Variants in SGK1 observed in about 807,000 individuals in gnomAD.
SGK1 encodes the protein serine/threonine-protein kinase Sgk1.
A neutral mutation model predicts 64.2 loss-of-function variants in SGK1; 26 were observed. That is an observed-to-expected ratio of 0.40 (90% confidence interval 0.30 to 0.56). The LOEUF is 0.56. SGK1 is among the 20% of genes least tolerant of loss of function. The pLI is 0.38. For missense variants in SGK1, 519 were observed against 645.6 expected (o/e 0.80, Z 2.12); for synonymous variants, 265 against 239.7 (o/e 1.11, Z -0.98).
intron 2 of SGK1, among the ~76,000 whole-genome samples, chr6:134,235,875 A>G (rs1336022186): frequency 6.6e-6 from 1 of 151,992 alleles, no homozygotes; most frequent in Non-Finnish European, 1.5e-5. Flanking sequence ...GCACCTGGCC[A>G]TAGATATTTT....
intron 3 of SGK1, among the ~76,000 whole-genome samples, chr6:134,179,494 C>CT (rs5880206): frequency 0.3 from 38,865 of 128,208 alleles, 6,835 homozygotes; most frequent in East Asian, 0.47. Context: ...AAAGGCATGT[C>CT]TTTTTTTTTT....
intron 1 of SGK1, among the ~76,000 whole-genome samples, chr6:134,274,894 C>T (rs1393895078): frequency 6.6e-6 from 1 of 152,118 alleles, no homozygotes; most frequent in Non-Finnish European, 1.5e-5. Context: ...CAGCCTCTGC[C>T]TTCCAGGTTC....
At chr6:134,291,986 C>T (rs548584205) in intron 1 of SGK1, among the ~76,000 whole-genome samples, 1 of 151,834 alleles carries the variant, frequency 6.6e-6, no homozygotes, top group African/African-American at 2.4e-5. Context: ...AGCCTTGAAC[C>T]CAGGAGGCGG....
At chr6:134,202,816 T>G (rs1232191385) in intron 3 of SGK1, among the ~76,000 whole-genome samples, 1 of 152,176 alleles carries the variant, frequency 6.6e-6, no homozygotes, top group Admixed American at 6.5e-5. Flanking sequence ...TTTTAAAAAA[T>G]GCACTGTACT....
At chr6:134,172,407 C>T in intron 9 of SGK1, 91 bp from the exon 10 acceptor site, 2 of 1,296,092 alleles carry the variant, frequency 1.5e-6, no homozygotes, top group Non-Finnish European at 2.2e-6. Flanking sequence ...GTATTAGAGG[C>T]ATTTTAGGTT....
intron 2 of SGK1, among the ~76,000 whole-genome samples, chr6:134,214,090 A>ATTTT (rs919851703): frequency 1.3e-5 from 2 of 151,012 alleles, no homozygotes; most frequent in East Asian, 1.9e-4. Flanking sequence ...ATTAAAAAAA[A>ATTTT]TTTTTTTTTT....
chr6:134,303,907 C>CGTTTTGTTTT (rs775996630), intron 1 of SGK1, among the ~76,000 whole-genome samples: 1 of 152,144 alleles, frequency 6.6e-6, no homozygotes, highest in African/African-American at 2.4e-5. Flanking sequence ...GGCCCAATGA[C>CGTTTTGTTTT]GTTTTGTTTT....
chr6:134,171,626 G>A lies in SGK1; in HGVS notation c.1167+11C>T, dbSNP rs1191102055. ...CAGGCAGTGTTCCATGGTTCCCAAT[G>A]TGCCACTCACCAGGCCATACAGCAT... is the stretch of plus-strand genomic sequence containing the variant. On this transcript the variant is annotated intron_variant, in intron 11 of 13. Transcript: ENST00000367858. The A allele has an allele frequency of 1.3e-6, 2 of 1,591,708 alleles. No individual in the cohort carries two copies. Among genetic ancestry groups the A allele is most frequent in the African/African-American group, 2.7e-5 (2 of 74,526 alleles).
intron 1 of SGK1, chr6:134,297,137 G>A (rs1198297218): frequency 1.1e-5 from 6 of 570,452 alleles, no homozygotes; most frequent in African/African-American, 7.5e-5. Flanking sequence ...GACTTGTGAG[G>A]CCCCCATAGG....
chr6:134,261,857 C>T (rs775643573), intron 2 of SGK1, 76 bp downstream of exon 2: 1 of 1,070,202 alleles, frequency 9.3e-7, no homozygotes, highest in Non-Finnish European at 1.5e-6. Flanking sequence ...TTTGGGTATA[C>T]TCTGGCAGAA....
chr6:134,261,940 C>T lies in SGK1; in HGVS notation c.278G>A (p.Gly93Glu), dbSNP rs2114748396. 3.1e-6 allele frequency: 5 copies of T among 1,610,532 alleles called. No individual in the cohort carries two copies. The highest frequency in any genetic ancestry group is 4.2e-6 in the Non-Finnish European group (5 of 1,176,806). The stretch of plus-strand genomic sequence containing the variant: ...GAGCGAACATGAACTTACTTCACAC[C>T]CAGATTGAGTTTCCCATGAACATGA... ...NESCSWETQS[G>E]CEVREPCNHA... The change falls in exon 2 of 14, where the codon GGG becomes GAG. Residue 93 changes from glycine (G) to glutamate (E), a missense_variant. Gly to Glu is a moderately conservative substitution (Grantham distance 98). Around this residue, in one of 2 missense-constraint regions of SGK1, gnomAD observed 241 missense variants for 236.9 expected, o/e 1.02. Coordinates refer to ENST00000367858, the MANE Select transcript of SGK1 (RefSeq NM_001143676.3).
intron 2 of SGK1, among the ~76,000 whole-genome samples, chr6:134,213,759 G>GTTCT (rs1343397526): frequency 2.0e-5 from 3 of 152,038 alleles, no homozygotes; most frequent in Admixed American, 2.0e-4. Flanking sequence ...GGGCTCTTTG[G>GTTCT]TTCTTTCTTT....
At chr6:134,315,272 T>C (rs1777661901) in intron 1 of SGK1, among the ~76,000 whole-genome samples, 1 of 152,198 alleles carries the variant, frequency 6.6e-6, no homozygotes, top group Admixed American at 6.5e-5. Context: ...CACCTTCTAC[T>C]TAGTTAACTG....
intron 2 of SGK1, among the ~76,000 whole-genome samples, chr6:134,242,960 C>T (rs951082193): frequency 1.3e-5 from 2 of 150,770 alleles, no homozygotes; most frequent in African/African-American, 4.9e-5. Flanking sequence ...TTAGCTTATG[C>T]CTTTGGTTAT....
chr6:134,220,322 C>T (rs748271123), intron 2 of SGK1, among the ~76,000 whole-genome samples: 1 of 152,032 alleles, frequency 6.6e-6, no homozygotes, highest in Non-Finnish European at 1.5e-5. Context: ...GTTCAGCTCC[C>T]TTATTTAATA....
chr6:134,232,733 C>T (rs1776309417), intron 2 of SGK1, among the ~76,000 whole-genome samples: 3 of 151,842 alleles, frequency 2.0e-5, no homozygotes, highest in Admixed American at 2.0e-4. Flanking sequence ...GGCCGGTAAT[C>T]CCAGCTACCT....
intron 2 of SGK1, among the ~76,000 whole-genome samples, chr6:134,222,099 T>A (rs1182592540): frequency 1.3e-5 from 2 of 152,228 alleles, no homozygotes; most frequent in East Asian, 1.9e-4. Context: ...TTTCTTCTAG[T>A]GCTTTAATCC....
At chr6:134,306,864 T>G (rs1394099177) in intron 1 of SGK1, among the ~76,000 whole-genome samples, 1 of 135,170 alleles carries the variant, frequency 7.4e-6, no homozygotes, top group African/African-American at 2.7e-5. Context: ...CACATCAAAG[T>G]GCTCAATTCA....
chr6:134,227,070 G>T (rs1460738052), intron 2 of SGK1, among the ~76,000 whole-genome samples: 1 of 152,170 alleles, frequency 6.6e-6, no homozygotes, highest in Non-Finnish European at 1.5e-5. Context: ...CAGCTTAGTG[G>T]TAGTCTTAGG....
Sources: allele counts gnomAD v4.1 joint callset (sites outside exome capture counted in the v4.1 genomes callset), GRCh38; gene constraint gnomAD v4.1.1; regional missense constraint gnomAD v4.1.1; transcripts MANE v1.5; gene names NCBI Gene and HGNC (gene_info 2026-07-23, HGNC 2026-07-21).